TCF12: variants seen among roughly 807,000 people sequenced by gnomAD.
TCF12 encodes DNA-binding protein HTF4.
TCF12 carries 45 observed loss-of-function variants against 86.0 expected under a neutral mutation model. That is an observed-to-expected ratio of 0.52 (90% CI 0.41 to 0.67). The LOEUF is 0.67. Among genes scored for constraint, TCF12 ranks in the 30% least tolerant of loss-of-function variants. TCF12 has a pLI of 0.00. For missense variants in TCF12, 881 were observed against 859.9 expected (o/e 1.02, Z -0.31); for synonymous variants, 330 against 299.6 (o/e 1.10, Z -1.05).
chr15:57,206,573 T>C (rs2057819792), intron 8 of TCF12, among the ~76,000 whole-genome samples: 1 of 144,282 alleles, frequency 6.9e-6, no homozygotes, highest in Non-Finnish European at 1.5e-5. Context: ...ATCCACTACC[T>C]TGTATTCTCT....
At chr15:56,956,520 G>A (rs1722259069) in intron 3 of TCF12, among the ~76,000 whole-genome samples, 1 of 151,892 alleles carries the variant, frequency 6.6e-6, no homozygotes, top group African/African-American at 2.4e-5. Flanking sequence ...TTTCTATCTG[G>A]AATCATTTTT....
At chr15:57,177,976 C>T (rs1297700122) in intron 6 of TCF12, among the ~76,000 whole-genome samples, 1 of 152,128 alleles carries the variant, frequency 6.6e-6, no homozygotes, top group Non-Finnish European at 1.5e-5. Flanking sequence ...GATGATTATA[C>T]TTTTGATGAT....
chr15:57,238,084 G>A (rs2059453669), intron 12 of TCF12, among the ~76,000 whole-genome samples: 1 of 152,210 alleles, frequency 6.6e-6, no homozygotes, highest in South Asian at 2.1e-4. Context: ...GACTGTGATG[G>A]ATGAGTGGAA....
chr15:56,948,108 C>T (rs575566244), intron 3 of TCF12, among the ~76,000 whole-genome samples: 15 of 151,838 alleles, frequency 9.9e-5, no homozygotes, highest in Non-Finnish European at 1.8e-4. Flanking sequence ...TGAGATGATG[C>T]GTACAAAAAT....
At chr15:56,957,602 A>C (rs1447165460) in intron 3 of TCF12, among the ~76,000 whole-genome samples, 2 of 152,208 alleles carry the variant, frequency 1.3e-5, no homozygotes, top group African/African-American at 2.4e-5. Flanking sequence ...CATTTTGAAC[A>C]TATAGAGCAC....
At chr15:56,983,408 T>C (rs1249672525) in intron 3 of TCF12, among the ~76,000 whole-genome samples, 1 of 152,172 alleles carries the variant, frequency 6.6e-6, no homozygotes, top group Admixed American at 6.5e-5. Flanking sequence ...AGAGGGAAAA[T>C]AATTATATAA....
intron 5 of TCF12, among the ~76,000 whole-genome samples, chr15:57,106,166 A>T (rs181859019): frequency 6.6e-6 from 1 of 152,222 alleles, no homozygotes; most frequent in Admixed American, 6.5e-5. Context: ...GTTAGAAATG[A>T]TACATATCTA....
chr15:57,134,997 T>C (rs186763945), intron 5 of TCF12, among the ~76,000 whole-genome samples: 7 of 152,220 alleles, frequency 4.6e-5, no homozygotes, highest in Admixed American at 2.6e-4. Flanking sequence ...ACAATAAAGC[T>C]GTTTATGTCA....
intron 5 of TCF12, among the ~76,000 whole-genome samples, chr15:57,108,992 G>C (rs1284071275): frequency 6.6e-6 from 1 of 152,170 alleles, no homozygotes. Flanking sequence ...TAGTGTTAGT[G>C]TGGATGAGTC....
At chr15:57,247,788 C>T in intron 13 of TCF12, 1 of 748,958 alleles carries the variant, frequency 1.3e-6, no homozygotes. Context: ...GCCTCCACCT[C>T]TTCAACACAA....
At chr15:56,946,320 T>A (rs1048418740) in intron 3 of TCF12, among the ~76,000 whole-genome samples, 6 of 152,330 alleles carry the variant, frequency 3.9e-5, no homozygotes, top group African/African-American at 1.2e-4. Context: ...TTTAATAGTT[T>A]CTCTTACTGT....
At chr15:57,220,045 G>C (rs558810571) in intron 8 of TCF12, among the ~76,000 whole-genome samples, 2 of 152,226 alleles carry the variant, frequency 1.3e-5, no homozygotes, top group East Asian at 3.9e-4. Context: ...GATTTCTTTA[G>C]AAGTAGTGTC....
intron 3 of TCF12, among the ~76,000 whole-genome samples, chr15:56,982,805 ACTG>A (rs1444424113): frequency 1.3e-5 from 2 of 152,348 alleles, no homozygotes; most frequent in Admixed American, 1.3e-4. Context: ...TCAAAAAGTA[ACTG>A]CTAATTGAGA....
intron 18 of TCF12, among the ~76,000 whole-genome samples, chr15:57,266,752 T>A (rs1449081873): frequency 6.6e-6 from 1 of 152,086 alleles, no homozygotes; most frequent in Non-Finnish European, 1.5e-5. Context: ...ATTAGATGAG[T>A]TAGGCCAGGC....
chr15:56,962,794 T>G (rs1234650171), intron 3 of TCF12, among the ~76,000 whole-genome samples: 3 of 152,176 alleles, frequency 2.0e-5, no homozygotes, highest in African/African-American at 7.2e-5. Flanking sequence ...ATATTTAGAA[T>G]GATAATGTGA....
intron 3 of TCF12, among the ~76,000 whole-genome samples, chr15:56,972,306 AG>A (rs1282630840): frequency 4.6e-5 from 7 of 152,360 alleles, no homozygotes; most frequent in South Asian, 2.1e-4. Context: ...TTCACCCTGA[AG>A]ATTTGCTTCC....
At chr15:57,042,062 C>A (rs993659023) in intron 3 of TCF12, among the ~76,000 whole-genome samples, 2 of 152,174 alleles carry the variant, frequency 1.3e-5, no homozygotes, top group Non-Finnish European at 2.9e-5. Context: ...CCATTGCCTG[C>A]ATGCCCATTT....
At chr15:56,981,919 CT>C (rs1567201087) in intron 3 of TCF12, among the ~76,000 whole-genome samples, 1 of 152,134 alleles carries the variant, frequency 6.6e-6, no homozygotes, top group East Asian at 1.9e-4. Flanking sequence ...GTGTGGCTGT[CT>C]CGCAGAGGTG....
rs374164938 is a variant in TCF12, at chr15:57,226,208, CTTT to C, written c.580-4933_580-4931del. ...TTTATTAATATTTCATTGACCTAGA[CTTT>C]TTTTTTTTTTCTCAAGGTTTTAGGT... On this transcript the variant is annotated intron_variant, in intron 8 of 20. Coordinates refer to ENST00000333725, the MANE Select transcript of TCF12 (RefSeq NM_207037.2). Among the ~76,000 whole-genome samples the C allele has an allele frequency of 4.1e-4, 56 of 137,620 alleles. No homozygotes were observed. In the East Asian group the frequency reaches 7.2e-3, roughly 18 times the overall value. The allele number at this position is 137,620 out of a possible 152,430, so 90.3% of individuals were successfully genotyped here. A position where few individuals can be genotyped will look rare whatever the true frequency, so the allele number is the denominator to read the frequency against.
Sources: allele counts gnomAD v4.1 joint callset (sites outside exome capture counted in the v4.1 genomes callset), GRCh38; gene constraint gnomAD v4.1.1; transcripts MANE v1.5; gene names NCBI Gene and HGNC (gene_info 2026-07-23, HGNC 2026-07-21).